RORA: variants seen among roughly 807,000 people sequenced by gnomAD.
RORA encodes the protein nuclear receptor ROR-alpha.
A neutral mutation model predicts 69.5 loss-of-function variants in RORA; 7 were observed. That is an observed-to-expected ratio of 0.10 (90% CI 0.06 to 0.19). RORA has a LOEUF of 0.19. Among genes scored for constraint, RORA ranks in the 10% least tolerant of loss-of-function variants. RORA has a pLI of 1.00. For missense variants in RORA, 457 were observed against 663.0 expected, an observed-to-expected ratio of 0.69 and a Z score of 3.41; for synonymous variants, 261 against 240.8, an observed-to-expected ratio of 1.08 and a Z score of -0.78.
At chr15:60,780,241 G>A (rs140159185) in intron 1 of RORA, among the ~76,000 whole-genome samples, 255 of 152,294 alleles carry the variant, frequency 1.7e-3, no homozygotes, top group African/African-American at 5.9e-3. Context: ...AACTTTTGGA[G>A]ACTCTTATGT....
chr15:60,617,443 C>T (rs527246595), intron 2 of RORA, among the ~76,000 whole-genome samples: 6 of 152,130 alleles, frequency 3.9e-5, no homozygotes, highest in African/African-American at 1.4e-4. Flanking sequence ...GAGGAAGCAA[C>T]TGCGCAAAAG....
intron 1 of RORA, among the ~76,000 whole-genome samples, chr15:60,717,599 T>C (rs1186016009): frequency 6.6e-6 from 1 of 152,156 alleles, no homozygotes; most frequent in Non-Finnish European, 1.5e-5. Context: ...TCATCACTCC[T>C]AAATTGGTAT....
chr15:60,617,769 G>A (rs1006309677), intron 2 of RORA, among the ~76,000 whole-genome samples: 7 of 151,278 alleles, frequency 4.6e-5, no homozygotes, highest in Non-Finnish European at 1.0e-4. Context: ...CAAACCTGGC[G>A]ATGGGCAGAT....
intron 2 of RORA, among the ~76,000 whole-genome samples, chr15:60,651,298 G>T (rs186617561): frequency 4.3e-4 from 65 of 152,188 alleles, no homozygotes; most frequent in South Asian, 8.3e-4. Context: ...TGAAAAAGCC[G>T]CTGTTTCCAG....
chr15:61,001,816 A>G (rs569503111), intron 1 of RORA, among the ~76,000 whole-genome samples: 1 of 152,360 alleles, frequency 6.6e-6, no homozygotes, highest in Non-Finnish European at 1.5e-5. Context: ...GGTTACTTCT[A>G]TGTGGCCAAG....
chr15:60,810,221 T>A (rs1006670446), intron 1 of RORA, among the ~76,000 whole-genome samples: 1 of 152,218 alleles, frequency 6.6e-6, no homozygotes, highest in African/African-American at 2.4e-5. Context: ...CATTAATTAA[T>A]AGTTTGGTTA....
intron 1 of RORA, among the ~76,000 whole-genome samples, chr15:60,803,638 C>T (rs192916639): frequency 2.0e-5 from 3 of 152,170 alleles, no homozygotes; most frequent in African/African-American, 7.2e-5. Flanking sequence ...CCTGTCAAAT[C>T]ATCTTTCTGG....
In RORA at chr15:60,691,193, G is replaced by T. The variant is rs147987127; in HGVS notation, c.167-12507C>A. Among the ~76,000 whole-genome samples, 439 of 152,118 alleles carry T rather than the reference G, an allele frequency of 2.9e-3. 1 individual carries two copies. The highest frequency in any genetic ancestry group is 9.6e-3 in the African/African-American group (400 of 41,522). ...CTCCTTCACATCCATTCAGATCTTTGCTCAGCTCTCATCTCCTGCTAGAAT... is the reference window on the plus strand; with the variant it reads ...CTCCTTCACATCCATTCAGATCTTTTCTCAGCTCTCATCTCCTGCTAGAAT... On this transcript the variant is annotated intron_variant, in intron 1 of 10. Coordinates refer to ENST00000335670, the MANE Select transcript of RORA (RefSeq NM_134261.3).
At position 60,591,632 on chromosome 15, in the gene RORA, C is replaced by T. The variant is rs534515973; in HGVS notation, c.197-59781G>A. On this transcript the variant is annotated intron_variant, in intron 2 of 10. Transcript: ENST00000335670. The stretch of plus-strand genomic sequence containing the variant: ...CCCTCACCACGGTCTAACCTCCGCC[C>T]CTGCCCGCGGATCCCGTGGGCTGCC... 2.6e-5 allele frequency among the ~76,000 whole-genome samples: 4 copies of T among 152,292 alleles called. No homozygotes were observed. The South Asian group carries it at 8.3e-4, about 32-fold the overall frequency.
chr15:61,099,804 A>G (rs967365631), intron 1 of RORA, among the ~76,000 whole-genome samples: 4 of 152,166 alleles, frequency 2.6e-5, no homozygotes, highest in Non-Finnish European at 5.9e-5. Context: ...ATCATGAAAT[A>G]CTCATCAAGT....
At chr15:61,124,860 T>C in intron 1 of RORA, among the ~76,000 whole-genome samples, 1 of 152,230 alleles carries the variant, frequency 6.6e-6, no homozygotes, top group Non-Finnish European at 1.5e-5. Context: ...TGACCTCACA[T>C]GACTCTATCA....
chr15:61,000,928 A>T (rs1187369776), intron 1 of RORA, among the ~76,000 whole-genome samples: 2 of 152,202 alleles, frequency 1.3e-5, no homozygotes, highest in Non-Finnish European at 1.5e-5. Flanking sequence ...TTAAGATAAG[A>T]AGACTGTAGC....
chr15:60,547,112 C>G (rs903474286), intron 2 of RORA, among the ~76,000 whole-genome samples: 2 of 152,148 alleles, frequency 1.3e-5, no homozygotes, highest in Admixed American at 1.3e-4. Context: ...TCTTCATTGT[C>G]ATCCACTCTA....
intron 1 of RORA, among the ~76,000 whole-genome samples, chr15:60,879,208 T>G (rs1206981335): frequency 6.6e-6 from 1 of 152,218 alleles, no homozygotes. Flanking sequence ...AGGGGTTTAC[T>G]GCAATAGAGA....
chr15:60,529,298 C>T (rs1478516701), intron 3 of RORA: 1 of 152,086 alleles, frequency 6.6e-6, no homozygotes, highest in Non-Finnish European at 1.5e-5. Context: ...GATAGAACCA[C>T]CTTTACCTGG....
chr15:60,746,296 AT>A (rs563779949), intron 1 of RORA, among the ~76,000 whole-genome samples: 13 of 149,780 alleles, frequency 8.7e-5, no homozygotes, highest in East Asian at 5.9e-4. Flanking sequence ...GGCCATGTGC[AT>A]TTTTTTTTTA....
At chr15:60,733,952 GAGAA>G (rs1484245717) in intron 1 of RORA, among the ~76,000 whole-genome samples, 10 of 147,526 alleles carry the variant, frequency 6.8e-5, no homozygotes, top group East Asian at 2.1e-4. Flanking sequence ...GAGAGAGAGA[GAGAA>G]AGAGAAAGGA....
At chr15:60,500,516 AT>A (rs1449624557) in intron 9 of RORA, among the ~76,000 whole-genome samples, 60 of 152,320 alleles carry the variant, frequency 3.9e-4, no homozygotes, top group Non-Finnish European at 1.2e-4. Flanking sequence ...AAAAGTGATT[AT>A]CCCCAAACAT....
chr15:60,775,468 T>C (rs2072151651), intron 1 of RORA, among the ~76,000 whole-genome samples: 1 of 152,226 alleles, frequency 6.6e-6, no homozygotes, highest in Non-Finnish European at 1.5e-5. Context: ...CTTTTTCTCT[T>C]TATAAAAACT....
Sources: allele counts gnomAD v4.1 joint callset (sites outside exome capture counted in the v4.1 genomes callset), GRCh38; gene constraint gnomAD v4.1.1; transcripts MANE v1.5; gene names NCBI Gene and HGNC (gene_info 2026-07-23, HGNC 2026-07-21).